The following SMARCE1 variants were observed in gnomAD, a reference collection of about 807,000 sequenced individuals.
The protein encoded by SMARCE1 is SWI/SNF related BAF chromatin remodeling complex subunit E1, also known as SWI/SNF-related matrix-associated actin-dependent regulator of chromatin subfamily E member 1.
A neutral mutation model predicts 54.9 loss-of-function variants in SMARCE1; 13 were observed. The observed-to-expected ratio is 0.24, with a 90% CI of 0.15 to 0.38. The LOEUF (loss-of-function observed/expected upper bound fraction) is 0.38. Among genes scored for constraint, SMARCE1 ranks in the 10% least tolerant of loss-of-function variants. The pLI is 1.00. For missense variants in SMARCE1, 295 were observed against 523.8 expected (o/e 0.56, Z 4.26); for synonymous variants, 151 against 175.3 (o/e 0.86, Z 1.10).
In SMARCE1 at chr17:40,642,165, C is replaced by A; in HGVS notation, c.156+290G>T. On this transcript the variant is annotated intron_variant, in intron 4 of 10. Transcript: ENST00000348513. This position sits in a 1 kb window ranked among gnomAD's most constrained non-coding sequence, Gnocchi z 4.6. ...TTTATGTCAAAAAGGATATTTTTAC[C>A]TTAAGAAATTCTGTTTGTTTACATA... 2 of 509,796 alleles carry A rather than the reference C, an allele frequency of 3.9e-6. No homozygotes were observed. Among genetic ancestry groups the A allele is most frequent in the South Asian group, 6.4e-5 (2 of 31,196 alleles). 31.6% of individuals were successfully genotyped at this position (509,796 alleles called of 1,614,324 possible).
intron 10 of SMARCE1, chr17:40,630,485 T>G (rs1472125718): frequency 1.6e-6 from 1 of 627,298 alleles, no homozygotes; most frequent in African/African-American, 1.8e-5. Flanking sequence ...CAGAATGCTG[T>G]CCTAGGACAC....
chr17:40,636,594 T>A, intron 5 of SMARCE1, 68 bp from the exon 6 acceptor site: 2 of 1,294,118 alleles, frequency 1.5e-6, no homozygotes, highest in Non-Finnish European at 2.2e-6. Context: ...AAATAGTTTT[T>A]AATGTGGAAA....
At chr17:40,635,860 A>G in intron 7 of SMARCE1, 71 bp downstream of exon 7, 1 of 1,144,158 alleles carries the variant, frequency 8.7e-7, no homozygotes, top group South Asian at 2.1e-5. Context: ...ATAAAAACTT[A>G]TACTTAAGAG....
At chr17:40,640,926 A>G (rs938009492) in intron 4 of SMARCE1, 2 of 152,196 alleles carry the variant, frequency 1.3e-5, no homozygotes, top group South Asian at 2.1e-4. Context: ...CCTAGTCTCC[A>G]TCGAACAATC....
intron 4 of SMARCE1, 93 bp from the exon 5 acceptor site, chr17:40,637,665 T>TC (rs1485400631): frequency 1.1e-6 from 1 of 878,766 alleles, no homozygotes; most frequent in East Asian, 2.5e-5. Flanking sequence ...AATGCGCCTT[T>TC]CTTCTATTCG....
intron 10 of SMARCE1, 49 bp downstream of exon 10, chr17:40,630,665 G>T: frequency 6.8e-7 from 1 of 1,466,566 alleles, no homozygotes. Flanking sequence ...ATTAAAGACA[G>T]CCGTACAAAG....
rs557736527 is a variant in SMARCE1, at chr17:40,631,391, T to C, written c.816+201A>G. On this transcript the variant is annotated intron_variant, in intron 9 of 10. Transcript: ENST00000348513. ...AGGCCTAGAAGATATGTGTATACTC[T>C]ATGATATTTCAAATTTATTGCAATT... The C allele has an allele frequency of 1.2e-3, 660 of 528,730 alleles. 3 individuals carry two copies. In the South Asian group the frequency reaches 0.016, roughly 13 times the overall value. The allele number at this position is 528,730 out of a possible 1,614,324, so 32.8% of individuals were successfully genotyped here.
chr17:40,629,572 T>C, intron 10 of SMARCE1: 1 of 1,181,162 alleles, frequency 8.5e-7, no homozygotes, highest in Non-Finnish European at 1.1e-6. Flanking sequence ...CTGTTTCCTG[T>C]AAGAAATTAA....
chr17:40,628,671 T>C lies in SMARCE1; in HGVS notation c.*114A>G. 1 of 749,658 alleles carries C rather than the reference T, an allele frequency of 1.3e-6. No individual in the cohort carries two copies. The highest frequency in any genetic ancestry group is 2.2e-6 in the Non-Finnish European group (1 of 448,052). 46.4% of individuals were successfully genotyped at this position (749,658 alleles called of 1,614,324 possible). ...TGCTAAATGGTCCAAAAGCCTTTGG[T>C]GGTGTGATATGGACAAGAAAAAAAA... On this transcript the variant is annotated 3_prime_UTR_variant, in exon 11 of 11. Coordinates refer to ENST00000348513, the MANE Select transcript of SMARCE1 (RefSeq NM_003079.5).
rs780990457 is a variant in SMARCE1, at chr17:40,639,464, A to C, written c.157-1892T>G. Among the ~76,000 whole-genome samples the C allele has an allele frequency of 4.5e-4, 69 of 152,330 alleles. 2 individuals are homozygous for C. In the Middle Eastern group the frequency reaches 0.014, roughly 30 times the overall value. The stretch of plus-strand genomic sequence containing the variant: ...GAATTCTAAAATGCCTATGCTTCCG[A>C]GCTTTAATATGAATTAAAACACTTT... On this transcript the variant is annotated intron_variant, in intron 4 of 10. Coordinates refer to ENST00000348513, the MANE Select transcript of SMARCE1 (RefSeq NM_003079.5).
Position 40,645,827 on chromosome 17 carries a change from C to A in SMARCE1, c.-25G>T. On this transcript the variant is annotated 5_prime_UTR_variant, in exon 2 of 11. It adds an upstream start codon to the 5' untranslated region. Coordinates refer to ENST00000348513, the MANE Select transcript of SMARCE1 (RefSeq NM_003079.5). ...TTTTGGAAGATTAAGTTCTCAGTTCCTTAAGAATGAATCTGAGACACTAAA... is the reference window on the plus strand; with the variant it reads ...TTTTGGAAGATTAAGTTCTCAGTTCATTAAGAATGAATCTGAGACACTAAA... 9.3e-7 allele frequency: 1 copy of A among 1,076,908 alleles called. No individual in the cohort carries two copies. Among genetic ancestry groups the A allele is most frequent in the Non-Finnish European group, 1.3e-6 (1 of 793,236 alleles). The allele number at this position is 1,076,908 out of a possible 1,614,324, so 66.7% of individuals were successfully genotyped here.
At chr17:40,643,233 G>C (rs1260940809) in intron 3 of SMARCE1, 1 of 152,178 alleles carries the variant, frequency 6.6e-6, no homozygotes, top group East Asian at 1.9e-4. Context: ...GGTACTATCT[G>C]ATCTTTTTAA....
In SMARCE1 at chr17:40,642,501, T is replaced by C. The variant is rs1597749763; in HGVS notation, c.110A>G (p.Asn37Ser). ...CGGGTTCCCTCCCAGCCTGTAGTTG[T>C]TGTAGGCGAGATGACTGTATGGATT... ...GYNPYSHLAY[N>S]NYRLGGNPGT... The change falls in exon 4 of 11, where the codon AAC becomes AGC. Residue 37 changes from asparagine (N) to serine (S), a missense_variant. Coordinates refer to ENST00000348513, the MANE Select transcript of SMARCE1 (RefSeq NM_003079.5). The surrounding 1 kb of genome is among the most constrained non-coding windows in gnomAD (Gnocchi z 4.6). 1.9e-6 allele frequency: 3 copies of C among 1,612,918 alleles called. No individual in the cohort carries two copies. The highest frequency in any genetic ancestry group is 1.9e-4 in the Middle Eastern group (1 of 5,342).
chr17:40,630,237 A>G, intron 10 of SMARCE1: 1 of 1,534,574 alleles, frequency 6.5e-7, no homozygotes, highest in Non-Finnish European at 8.9e-7. Context: ...CAGGAAAATC[A>G]GTATACCTAG....
rs578018555 is a variant in SMARCE1 at position 40,636,333 on chromosome 17, T to C, written c.369+62A>G. The C allele has an allele frequency of 4.6e-6, 7 of 1,522,310 alleles. No individual in the cohort carries two copies. The South Asian group carries it at 5.7e-5, about 12-fold the overall frequency. The allele number at this position is 1,522,310 out of a possible 1,614,324, so 94.3% of individuals were successfully genotyped here. On this transcript the variant is annotated intron_variant, in intron 6 of 10. Coordinates refer to ENST00000348513, the MANE Select transcript of SMARCE1 (RefSeq NM_003079.5). ...CCAAATCTTATGTTACTTTTATAAA[T>C]AGTAAGCCAATGTTTTATGTACTTT...
chr17:40,636,693 C>T (rs896984565), intron 5 of SMARCE1, 167 bp from the exon 6 acceptor site: 6 of 557,718 alleles, frequency 1.1e-5, no homozygotes, highest in Non-Finnish European at 1.9e-5. Flanking sequence ...TGGCCAATCT[C>T]AAGTTATCTT....
At chr17:40,647,379 G>A (rs1175341651) in intron 1 of SMARCE1, 1 of 152,462 alleles carries the variant, frequency 6.6e-6, no homozygotes, top group Non-Finnish European at 1.5e-5. Context: ...CTATTTCAGA[G>A]CTCTGCTCGT....
chr17:40,632,492 C>A (rs541246577), intron 7 of SMARCE1, 125 bp from the exon 8 acceptor site: 2 of 736,842 alleles, frequency 2.7e-6, no homozygotes, highest in Admixed American at 5.6e-5. Context: ...ACCTGCCCAG[C>A]GTCATGGGAG....
chr17:40,629,951 T>C lies in SMARCE1; in HGVS notation c.1027+763A>G, dbSNP rs2037073208. 5 of 362,916 alleles carry C rather than the reference T, an allele frequency of 1.4e-5. No individual in the cohort carries two copies. In the South Asian group the frequency reaches 6.5e-4, roughly 47 times the overall value. 22.5% of individuals were successfully genotyped at this position (362,916 alleles called of 1,614,324 possible). A position where few individuals can be genotyped will look rare whatever the true frequency, so the allele number is the denominator to read the frequency against. The stretch of plus-strand genomic sequence containing the variant: ...ACCTGGTAAAGATATCTATATTCCA[T>C]TACATGTTTTCCAGATGGTTGTCAT... On this transcript the variant is annotated intron_variant, in intron 10 of 10. Transcript: ENST00000348513.
Sources: gnomAD v4.1 joint callset for allele counts (sites outside exome capture counted in the v4.1 genomes callset) on GRCh38, gnomAD v4.1.1 for gene constraint, Gnocchi (gnomAD v3.1) non-coding constraint, MANE v1.5 for transcripts, NCBI Gene and HGNC (gene_info 2026-07-23, HGNC 2026-07-21) for gene names.